The following KMT5B variants were observed in gnomAD, a reference collection of about 807,000 sequenced individuals.
The protein encoded by KMT5B is histone-lysine N-methyltransferase KMT5B.
In KMT5B, 10 loss-of-function variants were observed where a neutral mutation model predicts 83.2. That is an observed-to-expected ratio of 0.12 (90% CI 0.07 to 0.20). The LOEUF is 0.20. KMT5B is among the 10% of genes least tolerant of loss of function. The pLI is 1.00. For missense variants in KMT5B, 753 were observed against 1,067.2 expected (o/e 0.71, Z 4.10); for synonymous variants, 349 against 388.8 (o/e 0.90, Z 1.20).
At chr11:68,181,372 C>A (rs1443516222) in intron 3 of KMT5B, among the ~76,000 whole-genome samples, 1 of 152,094 alleles carries the variant, frequency 6.6e-6, no homozygotes, top group Admixed American at 6.5e-5. Context: ...CACGCCCGGG[C>A]TAAACATCTA....
chr11:68,203,459 T>A (rs1483202829), intron 1 of KMT5B, among the ~76,000 whole-genome samples: 1 of 152,232 alleles, frequency 6.6e-6, no homozygotes, highest in African/African-American at 2.4e-5. Flanking sequence ...TATCAATGGC[T>A]ATTCCAAAGC....
chr11:68,160,973 T>C (rs1854807673), intron 10 of KMT5B, among the ~76,000 whole-genome samples: 1 of 152,092 alleles, frequency 6.6e-6, no homozygotes, highest in Admixed American at 6.5e-5. Flanking sequence ...AAGAAGGTCC[T>C]GCACGCACAG....
intron 1 of KMT5B, among the ~76,000 whole-genome samples, chr11:68,208,444 C>T (rs1047392554): frequency 1.3e-5 from 2 of 151,344 alleles, no homozygotes; most frequent in Non-Finnish European, 3.0e-5. Context: ...CAGAGTGAGA[C>T]TCTGTCTCCA....
chr11:68,188,117 C>T (rs994487301), intron 2 of KMT5B, among the ~76,000 whole-genome samples: 4 of 150,000 alleles, frequency 2.7e-5, no homozygotes, highest in East Asian at 2.0e-4. Context: ...CTCTGCCTCC[C>T]GGGTTCACAC....
intron 1 of KMT5B, among the ~76,000 whole-genome samples, chr11:68,207,440 A>G (rs1860272400): frequency 6.6e-6 from 1 of 152,136 alleles, no homozygotes; most frequent in Non-Finnish European, 1.5e-5. Context: ...TCAGAGAATT[A>G]GAAAAAAAAC....
At position 68,159,373 on chromosome 11, in the gene KMT5B, T is replaced by C. The variant is rs149566317; in HGVS notation, c.1175-202A>G. 6.3e-3 allele frequency among the ~76,000 whole-genome samples: 966 copies of C among 152,322 alleles called. 7 individuals carry two copies. The highest frequency in any genetic ancestry group is 0.017 in the Middle Eastern group (5 of 294). Reference sequence around the variant, plus strand: ...GTTCTTTTCTAATTTATGGGGCATCTATTCATTTTTGAGGTAAGTAGTTGC... The same window carrying C: ...GTTCTTTTCTAATTTATGGGGCATCCATTCATTTTTGAGGTAAGTAGTTGC... On this transcript the variant is annotated intron_variant, in intron 10 of 10. Coordinates refer to ENST00000304363, the MANE Select transcript of KMT5B (RefSeq NM_017635.5).
intron 1 of KMT5B, among the ~76,000 whole-genome samples, chr11:68,211,361 G>A (rs1467760301): frequency 6.6e-6 from 1 of 152,138 alleles, no homozygotes; most frequent in Non-Finnish European, 1.5e-5. Flanking sequence ...AGGCGCGAGA[G>A]CACTTGGAAA....
intron 1 of KMT5B, among the ~76,000 whole-genome samples, chr11:68,199,347 G>A (rs1403661903): frequency 6.6e-6 from 1 of 152,178 alleles, no homozygotes; most frequent in Non-Finnish European, 1.5e-5. Flanking sequence ...GGTGGAGAAG[G>A]AGGGTGATAG....
At chr11:68,193,262 C>G (rs1470231141) in intron 1 of KMT5B, among the ~76,000 whole-genome samples, 1 of 152,178 alleles carries the variant, frequency 6.6e-6, no homozygotes, top group South Asian at 2.1e-4. Flanking sequence ...CACTGCTGCC[C>G]AACAAATTCT....
In KMT5B at chr11:68,158,278, T is replaced by C; in HGVS notation, c.2068A>G (p.Arg690Gly). The part of the protein sequence containing the change: ...SDSFKTKDSF[R>G]TAKSKKKRRI... The stretch of plus-strand genomic sequence containing the variant: ...CTCTTCTTTTTACTTTTTGCAGTTC[T>C]AAAGCTGTCTTTTGTTTTGAAGCTA... Residue 690 changes from arginine to glycine, a missense_variant, in exon 11 of 11, where the codon AGA becomes GGA. Transcript: ENST00000304363. 6.2e-7 allele frequency: 1 copy of C among 1,614,202 alleles called. No individual in the cohort carries two copies. Among genetic ancestry groups the C allele is most frequent in the Non-Finnish European group, 8.5e-7 (1 of 1,180,032 alleles).
At chr11:68,170,891 C>T in intron 9 of KMT5B, 124 bp downstream of exon 9, 2 of 1,049,602 alleles carry the variant, frequency 1.9e-6, no homozygotes, top group Non-Finnish European at 1.3e-6. Flanking sequence ...GCACCAGCCG[C>T]TATGCTAAAG....
chr11:68,177,359 AAG>A (rs1856481294), intron 4 of KMT5B, among the ~76,000 whole-genome samples: 1 of 152,200 alleles, frequency 6.6e-6, no homozygotes, highest in Non-Finnish European at 1.5e-5. Flanking sequence ...AAAAGGAAGG[AAG>A]AATGAGGGGA....
intron 1 of KMT5B, among the ~76,000 whole-genome samples, chr11:68,191,967 G>A (rs1193320814): frequency 1.3e-5 from 2 of 152,210 alleles, no homozygotes; most frequent in South Asian, 2.1e-4. Context: ...TATTTTTACT[G>A]TATCTTTATG....
At chr11:68,186,411 C>A (rs1857442045) in intron 2 of KMT5B, among the ~76,000 whole-genome samples, 1 of 152,160 alleles carries the variant, frequency 6.6e-6, no homozygotes, top group Non-Finnish European at 1.5e-5. Context: ...TGCTTTAGGG[C>A]AGGTGAATGA....
In KMT5B at chr11:68,210,857, C is replaced by T. The variant is rs138131831; in HGVS notation, c.-77+2281G>A. On this transcript the variant is annotated intron_variant, in intron 1 of 10. Transcript: ENST00000304363. Reference sequence around the variant, plus strand: ...TAAGGCTGACATAGTCGGGGAACTCCTGACCACGGAGAAGGATTTTGCCAA... The same window carrying T: ...TAAGGCTGACATAGTCGGGGAACTCTTGACCACGGAGAAGGATTTTGCCAA... Among the ~76,000 whole-genome samples the T allele has an allele frequency of 1.5e-3, 230 of 152,324 alleles. 1 individual carries two copies. Among genetic ancestry groups the T allele is most frequent in the African/African-American group, 5.5e-3 (227 of 41,580 alleles).
chr11:68,163,757 A>G lies in KMT5B; in HGVS notation c.1174+3225T>C, dbSNP rs142952918. 8.8e-4 allele frequency among the ~76,000 whole-genome samples: 134 copies of G among 152,348 alleles called. No individual in the cohort carries two copies. The East Asian group carries it at 0.02, about 23-fold the overall frequency. ...CTGACATGACTAGCACAGACTGCCA[A>G]TGGCTACCTGGAACGGGGTGTTAGA... On this transcript the variant is annotated intron_variant, in intron 10 of 10. Transcript: ENST00000304363.
intron 9 of KMT5B, among the ~76,000 whole-genome samples, chr11:68,169,489 A>G (rs755151179): frequency 4.6e-5 from 7 of 152,232 alleles, no homozygotes; most frequent in Admixed American, 1.3e-4. Context: ...CTCATATTCT[A>G]ATGGGAAAAT....
chr11:68,185,272 C>CTCGGCTCACTGCAACCT, intron 3 of KMT5B, among the ~76,000 whole-genome samples: 1 of 152,120 alleles, frequency 6.6e-6, no homozygotes, highest in East Asian at 1.9e-4. Context: ...ATGGCACGAT[C>CTCGGCTCACTGCAACCT]TCGGCTCACT....
At chr11:68,174,596 A>G (rs1856169364) in intron 5 of KMT5B, among the ~76,000 whole-genome samples, 1 of 152,162 alleles carries the variant, frequency 6.6e-6, no homozygotes, top group African/African-American at 2.4e-5. Context: ...TGGCATGATC[A>G]TAGCTCAGAG....
Sources: allele counts gnomAD v4.1 joint callset (sites outside exome capture counted in the v4.1 genomes callset), GRCh38; gene constraint gnomAD v4.1.1; transcripts MANE v1.5; gene names NCBI Gene and HGNC (gene_info 2026-07-23, HGNC 2026-07-21).